Variants in CREBBP observed in about 807,000 individuals in gnomAD.
The protein encoded by CREBBP is CREB-binding protein.
Under a neutral mutation model 265.0 loss-of-function variants are expected in CREBBP, and 19 were observed. The ratio of observed to expected loss-of-function variants is 0.07; its 90% CI spans 0.05 to 0.11. The LOEUF is 0.11. CREBBP is among the 10% of genes least tolerant of loss of function. CREBBP has a pLI of 1.00. For missense variants in CREBBP, 2,525 were observed against 3,219.0 expected, an observed-to-expected ratio of 0.78 and a Z score of 5.22; for synonymous variants, 1,457 against 1,223.7, an observed-to-expected ratio of 1.19 and a Z score of -3.98.
chr16:3,768,323 T>A (rs2052915487), intron 15 of CREBBP, among the ~76,000 whole-genome samples: 1 of 151,794 alleles, frequency 6.6e-6, no homozygotes. Context: ...TTTTTTATAT[T>A]CTTGGTAGAT....
rs79971783 is a variant in CREBBP, at chr16:3,768,140, T to G, written c.3061-231A>C. On this transcript the variant is annotated intron_variant, in intron 15 of 30. Transcript: ENST00000262367. The stretch of plus-strand genomic sequence containing the variant: ...TATGGTCCTAAATTTAAAAGTGTTT[T>G]TTTTTTTTTTTTTTTTTTTTTTTTT... 1.5e-4 allele frequency among the ~76,000 whole-genome samples: 14 copies of G among 92,730 alleles called. 1 individual carries two copies. Among genetic ancestry groups the G allele is most frequent in the South Asian group, 4.1e-4 (1 of 2,436 alleles). The allele number at this position is 92,730 out of a possible 152,430, so 60.8% of individuals were successfully genotyped here.
chr16:3,856,125 A>G (rs1261729420), intron 1 of CREBBP, among the ~76,000 whole-genome samples: 2 of 152,258 alleles, frequency 1.3e-5, no homozygotes, highest in African/African-American at 2.4e-5. Flanking sequence ...AAATAACAAC[A>G]TTTTATTTTT....
intron 5 of CREBBP, among the ~76,000 whole-genome samples, chr16:3,788,288 C>G (rs761049539): frequency 1.3e-5 from 2 of 152,218 alleles, no homozygotes; most frequent in Non-Finnish European, 2.9e-5. Flanking sequence ...TTTTAATGTG[C>G]ACACTAATCA....
At chr16:3,846,409 T>G (rs1218070022) in intron 2 of CREBBP, among the ~76,000 whole-genome samples, 1 of 152,262 alleles carries the variant, frequency 6.6e-6, no homozygotes, top group African/African-American at 2.4e-5. Flanking sequence ...TTATCTATGC[T>G]GATTTAAAAT....
chr16:3,786,966 G>A (rs1164062731), intron 5 of CREBBP, among the ~76,000 whole-genome samples: 5 of 151,954 alleles, frequency 3.3e-5, no homozygotes, highest in East Asian at 3.9e-4. Flanking sequence ...CCAGCTACTC[G>A]GGAGGCTGAG....
Position 3,731,565 on chromosome 16 carries a change from T to C in CREBBP, c.4891-92A>G. 6 of 1,491,116 alleles carry C rather than the reference T, an allele frequency of 4.0e-6. No homozygotes were observed. The highest frequency in any genetic ancestry group is 2.4e-5 in the East Asian group (1 of 41,798). 92.4% of individuals were successfully genotyped at this position (1,491,116 alleles called of 1,614,324 possible). A position where few individuals can be genotyped will look rare whatever the true frequency, so the allele number is the denominator to read the frequency against. ...AGGCGCAGCCACCCAGCCTGCAGAA[T>C]AGGCAGGTGGCTGAGCCTGATGGCC... On this transcript the variant is annotated intron_variant, in intron 29 of 30. Transcript: ENST00000262367. This position sits in a 1 kb window ranked among gnomAD's most constrained non-coding sequence, Gnocchi z 7.7.
chr16:3,879,741 C>T, intron 1 of CREBBP, 91 bp downstream of exon 1: 15 of 1,361,722 alleles, frequency 1.1e-5, no homozygotes, highest in South Asian at 6.2e-5. Flanking sequence ...CCGGCTCGAT[C>T]GGTATCCGCG....
At chr16:3,781,124 A>G (rs2053264346) in intron 7 of CREBBP, 80 bp downstream of exon 7, 2 of 1,362,302 alleles carry the variant, frequency 1.5e-6, no homozygotes. Context: ...TCTGCCACAC[A>G]TTTAGAAAGA....
chr16:3,779,087 A>T (rs1380267542), intron 8 of CREBBP, among the ~76,000 whole-genome samples: 1 of 151,832 alleles, frequency 6.6e-6, no homozygotes, highest in Non-Finnish European at 1.5e-5. Context: ...GAATTGCTTG[A>T]ACCCGGGAGG....
intron 3 of CREBBP, among the ~76,000 whole-genome samples, chr16:3,801,592 C>A (rs1018561111): frequency 3.3e-5 from 5 of 152,102 alleles, no homozygotes; most frequent in Non-Finnish European, 5.9e-5. Flanking sequence ...ATCGCTTGAA[C>A]CCAGGAAGTG....
intron 4 of CREBBP, 75 bp downstream of exon 4, chr16:3,793,311 G>A: frequency 8.7e-6 from 14 of 1,601,444 alleles, no homozygotes; most frequent in Non-Finnish European, 1.2e-5. Context: ...TTATGAACCA[G>A]AGAGCTGCTG....
In CREBBP at chr16:3,865,945, ATTT is replaced by A. The variant is rs924586373; in HGVS notation, c.85+13884_85+13886del. On this transcript the variant is annotated intron_variant, in intron 1 of 30. Transcript: ENST00000262367. ...CCCACCGCGCCCGGCCAAGAAACTGATTTTTTTTTAAGGCACCCCCACTGGGGA... is the reference window on the plus strand; with the variant it reads ...CCCACCGCGCCCGGCCAAGAAACTGATTTTTTAAGGCACCCCCACTGGGGA... Among the ~76,000 whole-genome samples the A allele has an allele frequency of 5.3e-5, 8 of 151,692 alleles. No individual in the cohort carries two copies. In the East Asian group the frequency reaches 1.5e-3, roughly 29 times the overall value.
Position 3,854,998 on chromosome 16 carries a change from A to T in CREBBP, c.86-3989T>A, listed in dbSNP as rs545451493. On this transcript the variant is annotated intron_variant, in intron 1 of 30. Transcript: ENST00000262367. The stretch of plus-strand genomic sequence containing the variant: ...ATCTCCTAACAACATCCTCTTACAT[A>T]ATCACAGTATGCATGTGCAACTCAG... Among the ~76,000 whole-genome samples, 8 of 152,346 alleles carry T rather than the reference A, an allele frequency of 5.3e-5. No homozygotes were observed. In the South Asian group the frequency reaches 1.7e-3, roughly 32 times the overall value.
At chr16:3,779,932 C>T (rs150677978) in intron 8 of CREBBP, among the ~76,000 whole-genome samples, 5 of 151,628 alleles carry the variant, frequency 3.3e-5, no homozygotes, top group African/African-American at 4.8e-5. Context: ...GGCAAGACTC[C>T]GTCTCTCTCT....
At position 3,729,581 on chromosome 16, in the gene CREBBP, G is replaced by C. The variant is rs2151310566; in HGVS notation, c.5466C>G (p.Leu1822=). ...TNGGCPVCKQ[L]IALCCYHAKH... is the part of the protein sequence containing the mutation. The stretch of plus-strand genomic sequence containing the variant: ...TGGCGTGGTAGCAGCAGAGGGCGAT[G>C]AGCTGCTTGCACACCGGGCAGCCCC... Residue 1822 remains leucine (L), a synonymous_variant, in exon 31 of 31, where the codon CTC becomes CTG. Transcript: ENST00000262367. The C allele has an allele frequency of 6.2e-7, 1 of 1,614,216 alleles. No homozygotes were observed. Among genetic ancestry groups the C allele is most frequent in the Non-Finnish European group, 8.5e-7 (1 of 1,180,026 alleles).
At position 3,726,411 on chromosome 16, in the gene CREBBP, GC is replaced by G. The variant is rs2051746467; in HGVS notation, c.*1306del. 4.3e-6 allele frequency: 1 copy of G among 231,976 alleles called. No individual in the cohort carries two copies. Among genetic ancestry groups the G allele is most frequent in the African/African-American group, 2.2e-5 (1 of 44,894 alleles). The allele number at this position is 231,976 out of a possible 1,614,324, so 14.4% of individuals were successfully genotyped here. On this transcript the variant is annotated 3_prime_UTR_variant, in exon 31 of 31. Coordinates refer to ENST00000262367, the MANE Select transcript of CREBBP (RefSeq NM_004380.3). ...CTCGAATGTGTGGGGCCAACGCTGA[GC>G]CGCCCACCTCAGTCGCCCACCTCAG... is the stretch of plus-strand genomic sequence containing the variant.
chr16:3,782,840 G>C lies in CREBBP; in HGVS notation c.1417C>G (p.Pro473Ala). ...GQQNATSLSN[P>A]NPIDPSSMQR... is the part of the protein sequence containing the mutation. Reference sequence around the variant, plus strand: ...ATGGAGCTGGGGTCTATGGGATTTGGGTTACTTAAAGAAGTGGCATTCTGT... The same window carrying C: ...ATGGAGCTGGGGTCTATGGGATTTGCGTTACTTAAAGAAGTGGCATTCTGT... Residue 473 changes from proline to alanine, a missense_variant, in exon 6 of 31, where the codon CCA (proline) becomes GCA (alanine). Pro to Ala is a conservative substitution (Grantham distance 27). Around this residue, in one of 19 missense-constraint regions of CREBBP, gnomAD observed 48 missense variants for 70.2 expected, o/e 0.68. Transcript: ENST00000262367. 6.2e-7 allele frequency: 1 copy of C among 1,614,120 alleles called. No homozygotes were observed. The highest frequency in any genetic ancestry group is 8.5e-7 in the Non-Finnish European group (1 of 1,180,038).
chr16:3,814,758 T>C (rs919368116), intron 2 of CREBBP, among the ~76,000 whole-genome samples: 2 of 125,712 alleles, frequency 1.6e-5, no homozygotes, highest in African/African-American at 6.1e-5. Flanking sequence ...AACGTCCAGC[T>C]CATAGGGATC....
At chr16:3,867,757 TAAAAAA>T (rs756198312) in intron 1 of CREBBP, among the ~76,000 whole-genome samples, 7 of 94,534 alleles carry the variant, frequency 7.4e-5, no homozygotes. Flanking sequence ...GTATCTCTAC[TAAAAAA>T]AAAAAAAAAA....
Sources: allele counts gnomAD v4.1 joint callset (sites outside exome capture counted in the v4.1 genomes callset), GRCh38; gene constraint gnomAD v4.1.1; regional missense constraint gnomAD v4.1.1; non-coding constraint Gnocchi (gnomAD v3.1); transcripts MANE v1.5; gene names NCBI Gene and HGNC (gene_info 2026-07-23, HGNC 2026-07-21).